Variants in COL23A1 observed in about 807,000 individuals in gnomAD.
COL23A1 encodes collagen alpha-1(XXIII) chain.
COL23A1 carries 97 observed loss-of-function variants against 99.3 expected under a neutral mutation model. The observed-to-expected ratio is 0.98, with a 90% confidence interval of 0.83 to 1.16. The LOEUF (loss-of-function observed/expected upper bound fraction) is 1.16, where lower values mean the gene tolerates loss of function less well. COL23A1 is among the 50% of genes most tolerant of loss of function. The pLI is 0.00. For synonymous variants in COL23A1, 320 were observed against 308.2 expected (o/e 1.04, Z -0.40); for missense variants, 762 against 757.4 (o/e 1.01, Z -0.07).
At chr5:178,438,839 A>G (rs925576109) in intron 2 of COL23A1, 1 of 152,216 alleles carries the variant, frequency 6.6e-6, no homozygotes, top group African/African-American at 2.4e-5. Context: ...AGTTGCCTTC[A>G]AGCAGCAGTC....
chr5:178,449,791 G>A (rs1453442475), intron 2 of COL23A1, among the ~76,000 whole-genome samples: 1 of 152,014 alleles, frequency 6.6e-6, no homozygotes, highest in East Asian at 1.9e-4. Flanking sequence ...CTTTTGCAGA[G>A]CTCTAGAGAC....
At chr5:178,336,746 T>A (rs906175916) in intron 2 of COL23A1, among the ~76,000 whole-genome samples, 9 of 152,256 alleles carry the variant, frequency 5.9e-5, no homozygotes, top group Non-Finnish European at 1.5e-5. Flanking sequence ...TCAATAATTT[T>A]AAAAAAGAAT....
intron 2 of COL23A1, among the ~76,000 whole-genome samples, chr5:178,502,552 A>G (rs979448960): frequency 6.6e-6 from 1 of 152,234 alleles, no homozygotes; most frequent in Non-Finnish European, 1.5e-5. Flanking sequence ...GATTAACCAC[A>G]AAGAGACAAT....
In COL23A1 at chr5:178,585,580, G is replaced by T. The variant is rs866872225; in HGVS notation, c.294+4324C>A. ...TTGATGCTGGGGGTAACACTCCACA[G>T]CCCTGGATGGCGCTGGGGTAACACT... On this transcript the variant is annotated intron_variant, in intron 1 of 28. Transcript: ENST00000390654. Among the ~76,000 whole-genome samples the T allele has an allele frequency of 4.5e-4, 62 of 138,052 alleles. 1 individual carries two copies. Among genetic ancestry groups the T allele is most frequent in the African/African-American group, 1.8e-3 (54 of 30,560 alleles). The allele number at this position is 138,052 out of a possible 152,430, so 90.6% of individuals were successfully genotyped here.
At chr5:178,582,714 G>A (rs532206190) in intron 1 of COL23A1, among the ~76,000 whole-genome samples, 31 of 152,190 alleles carry the variant, frequency 2.0e-4, no homozygotes, top group Non-Finnish European at 3.7e-4. Flanking sequence ...CAAGCAAGGC[G>A]TGACTACCCC....
At chr5:178,301,038 C>T (rs62390194) in intron 3 of COL23A1, among the ~76,000 whole-genome samples, 9 of 151,706 alleles carry the variant, frequency 5.9e-5, no homozygotes, top group African/African-American at 7.3e-5. Flanking sequence ...TTCTTTCTCT[C>T]CTCTGCTTCT....
chr5:178,373,721 G>C (rs10040494), intron 2 of COL23A1, among the ~76,000 whole-genome samples: 1 of 152,112 alleles, frequency 6.6e-6, no homozygotes, highest in Non-Finnish European at 1.5e-5. Flanking sequence ...TGGCCCTGCC[G>C]TGCACTTTAA....
intron 5 of COL23A1, among the ~76,000 whole-genome samples, chr5:178,274,174 T>C (rs748123610): frequency 5.9e-5 from 9 of 152,364 alleles, no homozygotes; most frequent in Non-Finnish European, 1.3e-4. Flanking sequence ...GAAAGGACAG[T>C]GCTCCTTCCA....
intron 7 of COL23A1, 85 bp downstream of exon 7, chr5:178,268,645 G>A (rs1243726175): frequency 6.9e-7 from 1 of 1,440,700 alleles, no homozygotes; most frequent in Non-Finnish European, 9.6e-7. Context: ...TGTGCTCAAG[G>A]GCACACTGGA....
chr5:178,502,334 T>C (rs146828345), intron 2 of COL23A1, among the ~76,000 whole-genome samples: 8,753 of 152,272 alleles, frequency 0.057, 637 homozygotes, highest in African/African-American at 0.17. Context: ...GGTTTCACCA[T>C]GTTAGCCAGG....
chr5:178,408,581 C>G (rs1459575873), intron 2 of COL23A1, among the ~76,000 whole-genome samples: 2 of 152,056 alleles, frequency 1.3e-5, no homozygotes, highest in Non-Finnish European at 2.9e-5. Flanking sequence ...GGTTTCTACA[C>G]TTCAATTAAA....
intron 2 of COL23A1, chr5:178,345,341 A>AT (rs1020348819): frequency 4.4e-5 from 23 of 522,208 alleles, no homozygotes; most frequent in African/African-American, 3.9e-4. Flanking sequence ...CATTGAAATC[A>AT]TTTTTTTCCC....
chr5:178,489,951 T>TGG (rs1394988785), intron 2 of COL23A1, among the ~76,000 whole-genome samples: 1 of 151,910 alleles, frequency 6.6e-6, no homozygotes, highest in Non-Finnish European at 1.5e-5. Flanking sequence ...AAAGGTAGGG[T>TGG]GGCTGGGTGT....
In COL23A1 at chr5:178,282,052, CA is replaced by C. The variant is rs70994994; in HGVS notation, c.441+6271del. On this transcript the variant is annotated intron_variant, in intron 5 of 28. Transcript: ENST00000390654. ...GGGCGACAGAGCAAGACACTGTCTC[CA>C]AAAAAAAAAAAAAAAGATGGGGTTT... Among the ~76,000 whole-genome samples, 174 of 98,676 alleles carry C rather than the reference CA, an allele frequency of 1.8e-3. 3 individuals are homozygous for C. The highest frequency in any genetic ancestry group is 3.4e-3 in the African/African-American group (92 of 27,384). The allele number at this position is 98,676 out of a possible 152,430, so 64.7% of individuals were successfully genotyped here.
intron 2 of COL23A1, among the ~76,000 whole-genome samples, chr5:178,499,337 A>T (rs1289553085): frequency 6.6e-6 from 1 of 152,134 alleles, no homozygotes; most frequent in African/African-American, 2.4e-5. Context: ...ACAGCGGAAA[A>T]ATCAGACACA....
At chr5:178,253,419 C>T (rs1462496180) in intron 16 of COL23A1, among the ~76,000 whole-genome samples, 1 of 152,178 alleles carries the variant, frequency 6.6e-6, no homozygotes, top group African/African-American at 2.4e-5. Context: ...TGCTCCAACA[C>T]CTGCTTTCAT....
intron 18 of COL23A1, among the ~76,000 whole-genome samples, chr5:178,249,716 A>ACACACTCACTCTCTCT: frequency 1.2e-3 from 110 of 92,818 alleles, no homozygotes; most frequent in South Asian, 3.8e-3. Context: ...ACACACACAC[A>ACACACTCACTCTCTCT]CTCTCTCTCT....
chr5:178,323,486 C>T (rs1759461678), intron 2 of COL23A1, among the ~76,000 whole-genome samples: 1 of 152,134 alleles, frequency 6.6e-6, no homozygotes, highest in African/African-American at 2.4e-5. Flanking sequence ...CTTTCATTTC[C>T]TCCCTAGGTC....
chr5:178,273,564 C>CA (rs1561814214), intron 5 of COL23A1, among the ~76,000 whole-genome samples: 1 of 152,238 alleles, frequency 6.6e-6, no homozygotes, highest in African/African-American at 2.4e-5. Context: ...CGGGAGCCCC[C>CA]ACCAAGGGCT....
Sources: gnomAD v4.1 joint callset for allele counts (sites outside exome capture counted in the v4.1 genomes callset) on GRCh38, gnomAD v4.1.1 for gene constraint, MANE v1.5 for transcripts, NCBI Gene and HGNC (gene_info 2026-07-23, HGNC 2026-07-21) for gene names.